Variants in SRBD1 observed in about 807,000 individuals in gnomAD.
The protein encoded by SRBD1 is S1 RNA binding domain 1.
A neutral mutation model predicts 115.3 loss-of-function variants in SRBD1; 88 were observed. The observed-to-expected ratio is 0.76, with a 90% confidence interval of 0.64 to 0.91. SRBD1 has a LOEUF of 0.91. Among genes scored for constraint, SRBD1 ranks in the 40% least tolerant of loss-of-function variants. The pLI is 0.00. For missense variants in SRBD1, 1,385 were observed against 1,177.4 expected, an observed-to-expected ratio of 1.18 and a Z score of -2.58; for synonymous variants, 509 against 407.7, an observed-to-expected ratio of 1.25 and a Z score of -2.99.
intron 11 of SRBD1, 90 bp downstream of exon 11, chr2:45,553,529 TAATC>T (rs1162472275): frequency 1.1e-5 from 9 of 785,844 alleles, no homozygotes; most frequent in Non-Finnish European, 1.7e-5. Context: ...TTCGATTGGT[TAATC>T]AATCAACAAA....
chr2:45,399,629 G>A (rs978280447), intron 19 of SRBD1, among the ~76,000 whole-genome samples: 2 of 152,074 alleles, frequency 1.3e-5, no homozygotes, highest in Non-Finnish European at 2.9e-5. Context: ...TTTACTTTCG[G>A]AGATTTTCAT....
At chr2:45,528,529 A>G (rs7591686) in intron 14 of SRBD1, among the ~76,000 whole-genome samples, 43,316 of 151,374 alleles carry the variant, frequency 0.29, 6,367 homozygotes, top group African/African-American at 0.37. Flanking sequence ...TTGGGAGCCA[A>G]AGCAAAAAGC....
At chr2:45,426,154 C>T (rs1039011701) in intron 16 of SRBD1, among the ~76,000 whole-genome samples, 3 of 152,170 alleles carry the variant, frequency 2.0e-5, no homozygotes, top group African/African-American at 7.2e-5. Flanking sequence ...GATGCTAGAG[C>T]TTGGTGGGGG....
chr2:45,505,749 T>G (rs1670776831), intron 14 of SRBD1, among the ~76,000 whole-genome samples: 1 of 152,194 alleles, frequency 6.6e-6, no homozygotes, highest in African/African-American at 2.4e-5. Flanking sequence ...GGATCATAAG[T>G]AAGCTCCCCA....
At chr2:45,512,818 A>G (rs1464686701) in intron 14 of SRBD1, among the ~76,000 whole-genome samples, 2 of 152,164 alleles carry the variant, frequency 1.3e-5, no homozygotes, top group African/African-American at 2.4e-5. Context: ...GTGTAAGTGA[A>G]TATTTTTCTT....
intron 16 of SRBD1, among the ~76,000 whole-genome samples, chr2:45,437,812 A>G (rs1668545032): frequency 1.3e-5 from 2 of 152,230 alleles, no homozygotes; most frequent in South Asian, 4.1e-4. Context: ...AAAACTAGGC[A>G]ATAACATAGG....
Position 45,414,444 on chromosome 2 carries a change from G to A in SRBD1, c.2334-1151C>T, listed in dbSNP as rs1447155047. 1.1e-4 allele frequency among the ~76,000 whole-genome samples: 16 copies of A among 144,590 alleles called. 1 individual carries two copies. In the East Asian group the frequency reaches 3.2e-3, roughly 29 times the overall value. The allele number at this position is 144,590 out of a possible 152,430, so 94.9% of individuals were successfully genotyped here. A position where few individuals can be genotyped will look rare whatever the true frequency, so the allele number is the denominator to read the frequency against. ...CACATATATACATATACACTATATAGTATATATGTAGTATGTATAGTGTGT... is the reference window on the plus strand; with the variant it reads ...CACATATATACATATACACTATATAATATATATGTAGTATGTATAGTGTGT... On this transcript the variant is annotated intron_variant, in intron 18 of 20. Coordinates refer to ENST00000263736, the MANE Select transcript of SRBD1 (RefSeq NM_018079.5).
chr2:45,465,000 T>TACACACACAC (rs58288876), intron 16 of SRBD1, among the ~76,000 whole-genome samples: 17 of 120,304 alleles, frequency 1.4e-4, no homozygotes, highest in East Asian at 1.3e-3. Flanking sequence ...GTTGAGATTG[T>TACACACACAC]ACACACACAC....
chr2:45,480,047 G>A (rs1020660927), intron 15 of SRBD1, among the ~76,000 whole-genome samples: 1 of 152,114 alleles, frequency 6.6e-6, no homozygotes, highest in Non-Finnish European at 1.5e-5. Flanking sequence ...ATGGTTTACT[G>A]AATATTTTAA....
At chr2:45,397,586 T>G (rs1318936000) in intron 19 of SRBD1, among the ~76,000 whole-genome samples, 1 of 152,146 alleles carries the variant, frequency 6.6e-6, no homozygotes, top group Non-Finnish European at 1.5e-5. Flanking sequence ...GAACTGCATT[T>G]TAATCATCAC....
At chr2:45,499,640 A>C (rs1670564305) in intron 14 of SRBD1, among the ~76,000 whole-genome samples, 1 of 152,148 alleles carries the variant, frequency 6.6e-6, no homozygotes, top group Non-Finnish European at 1.5e-5. Context: ...TCTTACATTT[A>C]AGTCTTTAAT....
rs1673372462 is a variant in SRBD1, at chr2:45,581,768, CTTAA to C, written c.854_857del (p.Ile285ArgfsTer11). 1 of 1,613,430 alleles carries C rather than the reference CTTAA, an allele frequency of 6.2e-7. No homozygotes were observed. ...AGCACTCAGACATCTTCCCTTCCTT[CTTAA>C]TTTTCTGGATTGTACTATGAACTTT... On this transcript the variant is annotated frameshift_variant, in exon 6 of 21. Coordinates refer to ENST00000263736, the MANE Select transcript of SRBD1 (RefSeq NM_018079.5). LOFTEE classifies it high-confidence loss of function.
intron 16 of SRBD1, among the ~76,000 whole-genome samples, chr2:45,461,157 A>C (rs760397681): frequency 1.4e-4 from 22 of 152,210 alleles, no homozygotes; most frequent in Non-Finnish European, 2.9e-4. Flanking sequence ...TTTTTAGAGT[A>C]AATGTAGGGA....
At chr2:45,598,680 C>T (rs13400221) in intron 4 of SRBD1, among the ~76,000 whole-genome samples, 14,738 of 151,980 alleles carry the variant, frequency 0.097, 1,432 homozygotes, top group African/African-American at 0.25. Flanking sequence ...TTGTGACACA[C>T]AGGCAGTCCC....
rs1194771093 is a variant in SRBD1 at position 45,545,307 on chromosome 2, A to C, written c.1874+1425T>G. Among the ~76,000 whole-genome samples the C allele has an allele frequency of 4.7e-5, 6 of 126,330 alleles. No homozygotes were observed. The East Asian group carries it at 7.9e-4, about 17-fold the overall frequency. 82.9% of individuals were successfully genotyped at this position (126,330 alleles called of 152,430 possible). Reference sequence around the variant, plus strand: ...TTAAAAAAAAAAAAAAAAAAAAAAAAAAAAAAAACAGATGAACCCAGATTT... The same window carrying C: ...TTAAAAAAAAAAAAAAAAAAAAAAACAAAAAAAACAGATGAACCCAGATTT... On this transcript the variant is annotated intron_variant, in intron 14 of 20. Transcript: ENST00000263736.
chr2:45,451,320 C>A (rs147862145), intron 16 of SRBD1, among the ~76,000 whole-genome samples: 1 of 151,920 alleles, frequency 6.6e-6, no homozygotes, highest in South Asian at 2.1e-4. Context: ...CCTAACTTTA[C>A]GGGGGTGAAA....
intron 14 of SRBD1, among the ~76,000 whole-genome samples, chr2:45,498,877 T>C (rs755084443): frequency 1.2e-4 from 18 of 152,236 alleles, no homozygotes; most frequent in Non-Finnish European, 1.5e-4. Context: ...ATACCACATT[T>C]TCTTTATCCA....
At chr2:45,518,926 G>A (rs1671199907) in intron 14 of SRBD1, among the ~76,000 whole-genome samples, 1 of 148,232 alleles carries the variant, frequency 6.7e-6, no homozygotes, top group Non-Finnish European at 1.5e-5. Context: ...TGACAGATTT[G>A]AGCTTTCTCA....
chr2:45,524,782 T>C (rs1429818273), intron 14 of SRBD1, among the ~76,000 whole-genome samples: 1 of 152,028 alleles, frequency 6.6e-6, no homozygotes, highest in African/African-American at 2.4e-5. Flanking sequence ...TTTGGAGAAA[T>C]TGACAAGCTG....
Sources: allele counts gnomAD v4.1 joint callset (sites outside exome capture counted in the v4.1 genomes callset), GRCh38; gene constraint gnomAD v4.1.1; transcripts MANE v1.5; gene names NCBI Gene and HGNC (gene_info 2026-07-23, HGNC 2026-07-21).